The following GFOD1 variants were observed in gnomAD, a reference collection of about 807,000 sequenced individuals.
The protein encoded by GFOD1 is Gfo/Idh/MocA-like oxidoreductase domain containing 1.
GFOD1 carries 9 observed loss-of-function variants against 25.4 expected under a neutral mutation model. That is an observed-to-expected ratio of 0.35 (90% confidence interval 0.21 to 0.62). GFOD1 has a LOEUF of 0.62. Among genes scored for constraint, GFOD1 ranks in the 20% least tolerant of loss-of-function variants. The pLI is 0.72. For missense variants in GFOD1, 403 were observed against 556.9 expected, an observed-to-expected ratio of 0.72 and a Z score of 2.78; for synonymous variants, 253 against 245.6, an observed-to-expected ratio of 1.03 and a Z score of -0.28.
Position 13,364,527 on chromosome 6 carries a change from C to A in GFOD1, c.*216G>T. On this transcript the variant is annotated 3_prime_UTR_variant, in exon 2 of 2. Coordinates refer to ENST00000379287, the MANE Select transcript of GFOD1 (RefSeq NM_018988.4). The surrounding 1 kb of genome is among the most constrained non-coding windows in gnomAD (Gnocchi z 4.1). ...GATCATCCCAGGAATGGCAGGCTCT[C>A]CTGAATGCTTCCAGGCTAGGAGCTC... 1 of 580,318 alleles carries A rather than the reference C, an allele frequency of 1.7e-6. No individual in the cohort carries two copies. Among genetic ancestry groups the A allele is most frequent in the Non-Finnish European group, 3.1e-6 (1 of 325,716 alleles). The allele number at this position is 580,318 out of a possible 1,614,324, so 35.9% of individuals were successfully genotyped here.
intron 1 of GFOD1, among the ~76,000 whole-genome samples, chr6:13,373,460 G>A (rs1029701568): frequency 1.3e-5 from 2 of 152,078 alleles, no homozygotes; most frequent in Admixed American, 6.5e-5. Context: ...TTCTGAGAGA[G>A]GTTCATTAGA....
intron 1 of GFOD1, among the ~76,000 whole-genome samples, chr6:13,368,648 G>C (rs13340432): frequency 0.014 from 2,087 of 152,182 alleles, 40 homozygotes; most frequent in African/African-American, 0.044. Context: ...ACTGCCATCT[G>C]CTTAGTATAC....
In GFOD1 at chr6:13,475,046, T is replaced by C. The variant is rs574194129; in HGVS notation, c.253+11592A>G. ...TCTACGCCTTCCCCCAAGTGAAGTC[T>C]GCTACCTCAACAAAATAAGAAAATC... is the stretch of plus-strand genomic sequence containing the variant. On this transcript the variant is annotated intron_variant, in intron 1 of 1. Transcript: ENST00000379287. Among the ~76,000 whole-genome samples, 4 of 152,334 alleles carry C rather than the reference T, an allele frequency of 2.6e-5. No homozygotes were observed. In the East Asian group the frequency reaches 7.7e-4, roughly 29 times the overall value.
chr6:13,442,712 G>A (rs1677250551), intron 1 of GFOD1, among the ~76,000 whole-genome samples: 1 of 152,186 alleles, frequency 6.6e-6, no homozygotes, highest in Non-Finnish European at 1.5e-5. Flanking sequence ...AAGCTTGGAT[G>A]ACAGCACAAT....
At chr6:13,436,117 G>A (rs1272300677) in intron 1 of GFOD1, among the ~76,000 whole-genome samples, 1 of 152,144 alleles carries the variant, frequency 6.6e-6, no homozygotes, top group Non-Finnish European at 1.5e-5. Flanking sequence ...TGGAGAAACA[G>A]GAAGATTAAC....
intron 1 of GFOD1, among the ~76,000 whole-genome samples, chr6:13,422,031 G>A (rs1360337486): frequency 6.6e-6 from 1 of 152,132 alleles, no homozygotes; most frequent in African/African-American, 2.4e-5. Context: ...TAAATCAACA[G>A]GCTTTCAGAA....
chr6:13,437,848 C>T (rs1189539974), intron 1 of GFOD1, among the ~76,000 whole-genome samples: 1 of 152,180 alleles, frequency 6.6e-6, no homozygotes, highest in African/African-American at 2.4e-5. Flanking sequence ...ATACTTTACT[C>T]ATTCTTTGTT....
chr6:13,382,011 T>A (rs1785375739), intron 1 of GFOD1, among the ~76,000 whole-genome samples: 1 of 151,336 alleles, frequency 6.6e-6, no homozygotes, highest in South Asian at 2.1e-4. Context: ...TTTGTAGGAA[T>A]CATCTCACTG....
chr6:13,486,712 A>C lies in GFOD1; in HGVS notation c.179T>G (p.Leu60Arg). 1.2e-6 allele frequency: 2 copies of C among 1,614,068 alleles called. No individual in the cohort carries two copies. The highest frequency in any genetic ancestry group is 1.7e-6 in the Non-Finnish European group (2 of 1,179,950). The change falls in exon 1 of 2, where the codon CTG becomes CGG. Residue 60 changes from leucine to arginine, a missense_variant. Transcript: ENST00000379287. ...GCACACCAAGTCCACGTCCTGATGC[A>C]GCAGCACCTCATCAATGCGGCTAGT... ...FYTSRIDEVL[L>R]HQDVDLVCIN... is the part of the protein sequence containing the mutation.
intron 1 of GFOD1, among the ~76,000 whole-genome samples, chr6:13,374,273 T>TTGTGTGTGTGTGTGTG (rs567594703): frequency 2.2e-5 from 3 of 134,386 alleles, no homozygotes; most frequent in African/African-American, 5.8e-5. Flanking sequence ...TGTTTTTTTT[T>TTGTGTGTGTGTGTGTG]TGTGTGTGTG....
chr6:13,472,813 C>T (rs543567313), intron 1 of GFOD1, among the ~76,000 whole-genome samples: 1 of 152,358 alleles, frequency 6.6e-6, no homozygotes, highest in East Asian at 1.9e-4. Context: ...ATTTTTGTCA[C>T]ATCTAGGGAT....
At chr6:13,464,137 G>A (rs1758340280) in intron 1 of GFOD1, among the ~76,000 whole-genome samples, 1 of 152,198 alleles carries the variant, frequency 6.6e-6, no homozygotes. Flanking sequence ...CTCAGATCAC[G>A]AGAGAGTGAG....
chr6:13,464,804 T>C (rs1449065771), intron 1 of GFOD1, among the ~76,000 whole-genome samples: 4 of 152,148 alleles, frequency 2.6e-5, no homozygotes, highest in Non-Finnish European at 5.9e-5. Context: ...TTTAGGTCTC[T>C]AGCCCACTGG....
chr6:13,366,646 T>TTA (rs112906160), intron 1 of GFOD1, among the ~76,000 whole-genome samples: 2,004 of 151,832 alleles, frequency 0.013, 37 homozygotes, highest in African/African-American at 0.042. Flanking sequence ...TTTTTTTTTT[T>TTA]AAAAGAGATG....
Position 13,365,781 on chromosome 6 carries a change from A to C in GFOD1, c.254-119T>G. The C allele has an allele frequency of 1.1e-4, 93 of 821,702 alleles. No homozygotes were observed. Among genetic ancestry groups the C allele is most frequent in the Non-Finnish European group, 1.6e-4 (86 of 534,300 alleles). The allele number at this position is 821,702 out of a possible 1,614,324, so 50.9% of individuals were successfully genotyped here. On this transcript the variant is annotated intron_variant, in intron 1 of 1. Transcript: ENST00000379287. The surrounding 1 kb of genome is among the most constrained non-coding windows in gnomAD (Gnocchi z 9.2). ...AAAAGAAGGTCAGATGTGGTGGCTC[A>C]TGCCTGTTGTCCCAGCACTTTGGGA... is the stretch of plus-strand genomic sequence containing the variant.
chr6:13,382,280 T>C (rs557735818), intron 1 of GFOD1, among the ~76,000 whole-genome samples: 17 of 150,236 alleles, frequency 1.1e-4, no homozygotes, highest in African/African-American at 3.9e-4. Flanking sequence ...CCAAATCTCA[T>C]CTTGAACTGT....
chr6:13,453,419 G>A (rs1485077883), intron 1 of GFOD1, among the ~76,000 whole-genome samples: 2 of 152,184 alleles, frequency 1.3e-5, no homozygotes, highest in Non-Finnish European at 2.9e-5. Context: ...TTTATCAAAT[G>A]AATAAATGCG....
intron 1 of GFOD1, among the ~76,000 whole-genome samples, chr6:13,477,214 G>GTGTGTGT (rs1554206424): frequency 1.3e-4 from 1 of 7,648 alleles, no homozygotes; most frequent in Admixed American, 2.5e-3. Context: ...GAACCAATAG[G>GTGTGTGT]GGGTGTGTGT....
chr6:13,418,203 G>A (rs538647418), intron 1 of GFOD1, among the ~76,000 whole-genome samples: 7 of 152,256 alleles, frequency 4.6e-5, no homozygotes, highest in Admixed American at 1.3e-4. Flanking sequence ...ATCTTACACC[G>A]AAGCCACTGC....
Sources: gnomAD v4.1 joint callset for allele counts (sites outside exome capture counted in the v4.1 genomes callset) on GRCh38, gnomAD v4.1.1 for gene constraint, Gnocchi (gnomAD v3.1) non-coding constraint, MANE v1.5 for transcripts, NCBI Gene and HGNC (gene_info 2026-07-23, HGNC 2026-07-21) for gene names.